IL31RA: variants seen among roughly 807,000 people sequenced by gnomAD.
IL31RA encodes the protein interleukin 31 receptor A.
IL31RA carries 66 observed loss-of-function variants against 83.7 expected under a neutral mutation model. The observed-to-expected ratio is 0.79, with a 90% confidence interval of 0.65 to 0.97. The LOEUF is 0.97. Ranked by LOEUF, IL31RA falls within the 50% of genes least tolerant of loss-of-function variation. The probability of loss-of-function intolerance (pLI) is 0.00; values close to 1 mark genes in which losing one functional copy is unlikely to be tolerated. For synonymous variants in IL31RA, 325 were observed against 329.0 expected, an observed-to-expected ratio of 0.99 and a Z score of 0.13; for missense variants, 798 against 919.4, an observed-to-expected ratio of 0.87 and a Z score of 1.71.
chr5:55,853,300 T>C (rs1745163736), intron 1 of IL31RA: 3 of 1,222,770 alleles, frequency 2.5e-6, no homozygotes, highest in Non-Finnish European at 3.1e-6. Flanking sequence ...TTGAGTGTTT[T>C]TGTTTTTGCT....
chr5:55,914,813 T>C (rs1289850727), intron 13 of IL31RA, 34 bp from the exon 14 acceptor site: 1 of 1,472,368 alleles, frequency 6.8e-7, no homozygotes, highest in Non-Finnish European at 9.5e-7. Flanking sequence ...CTTCTTGGAT[T>C]CAATTCCCAT....
chr5:55,913,551 T>C lies in IL31RA; in HGVS notation c.1717T>C (p.Tyr573His). ...TATTCTCATTATCCTGACAGTGGCA[T>C]ATGGTCTCAAAAAACCCAAGTGAGT... ...LLILIILTVA[Y>H]GLKKPNKLTH... Residue 573 changes from tyrosine to histidine, a missense_variant, in exon 13 of 15, where the codon TAT (tyrosine) becomes CAT (histidine). Coordinates refer to ENST00000652347, the MANE Select transcript of IL31RA (RefSeq NM_139017.7). 1 of 1,612,556 alleles carries C rather than the reference T, an allele frequency of 6.2e-7. No individual in the cohort carries two copies. Among genetic ancestry groups the C allele is most frequent in the South Asian group, 1.1e-5 (1 of 91,032 alleles).
chr5:55,883,343 C>A, intron 5 of IL31RA, 148 bp downstream of exon 5: 1 of 812,816 alleles, frequency 1.2e-6, no homozygotes, highest in Non-Finnish European at 2.0e-6. Context: ...TCCAGTTTTC[C>A]ATTTTTCCAT....
chr5:55,915,062 G>A (rs1408986963), intron 14 of IL31RA, 134 bp downstream of exon 14: 14 of 736,798 alleles, frequency 1.9e-5, no homozygotes, highest in Non-Finnish European at 3.1e-5. Context: ...AAAGTCTCAG[G>A]GAATGGCAGG....
At chr5:55,892,560 T>A (rs1055736810) in intron 6 of IL31RA, among the ~76,000 whole-genome samples, 19 of 152,358 alleles carry the variant, frequency 1.2e-4, no homozygotes, top group African/African-American at 4.6e-4. Context: ...CCACTGGAGA[T>A]GTTCATGCAG....
chr5:55,880,205 TAC>T (rs1747117261), intron 4 of IL31RA, among the ~76,000 whole-genome samples: 1 of 152,242 alleles, frequency 6.6e-6, no homozygotes, highest in Non-Finnish European at 1.5e-5. Context: ...CAGCTCTACT[TAC>T]TAGTGGCCAC....
At position 55,903,535 on chromosome 5, in the gene IL31RA, C is replaced by G. The variant is rs1205788301; in HGVS notation, c.1070-2571C>G. 6.6e-6 allele frequency among the ~76,000 whole-genome samples: 1 copy of G among 152,128 alleles called. No homozygotes were observed. The highest frequency in any genetic ancestry group is 2.4e-5 in the African/African-American group (1 of 41,412). ...CGCCCCTTGGTGTGGCCAGGCTTTC[C>G]CCTTTCAAGGTTGACTCATGGTTTC... On this transcript the variant is annotated intron_variant, in intron 8 of 14. Coordinates refer to ENST00000652347, the MANE Select transcript of IL31RA (RefSeq NM_139017.7). This position sits in a 1 kb window ranked among gnomAD's most constrained non-coding sequence, Gnocchi z 4.7.
intron 2 of IL31RA, among the ~76,000 whole-genome samples, chr5:55,867,233 TTGTGTG>T (rs35642963): frequency 1.2e-3 from 132 of 109,054 alleles, no homozygotes; most frequent in Admixed American, 2.1e-3. Flanking sequence ...GTGTGTGTGT[TTGTGTG>T]TGTGTTTGTG....
At chr5:55,886,564 A>G (rs1457349297) in intron 5 of IL31RA, among the ~76,000 whole-genome samples, 2 of 151,992 alleles carry the variant, frequency 1.3e-5, no homozygotes, top group African/African-American at 4.8e-5. Context: ...ATAAGCCACC[A>G]TGCCTGGCCT....
intron 1 of IL31RA, among the ~76,000 whole-genome samples, chr5:55,855,269 G>A (rs1745287352): frequency 6.6e-6 from 1 of 151,642 alleles, no homozygotes; most frequent in Non-Finnish European, 1.5e-5. Flanking sequence ...TCAACCTCCT[G>A]TGTAGCTAGG....
rs906959031 is a variant in IL31RA at position 55,917,721 on chromosome 5, C to T, written c.*601C>T. Among the ~76,000 whole-genome samples the T allele has an allele frequency of 2.6e-5, 4 of 152,126 alleles. No individual in the cohort carries two copies. Among genetic ancestry groups the T allele is most frequent in the South Asian group, 4.1e-4 (2 of 4,824 alleles). ...AGATCTCAAGTGCCTGTAGCAACACCGCACCTGAGAATCCTCACCCCCAAT... is the reference window on the plus strand; with the variant it reads ...AGATCTCAAGTGCCTGTAGCAACACTGCACCTGAGAATCCTCACCCCCAAT... On this transcript the variant is annotated 3_prime_UTR_variant, in exon 15 of 15. Coordinates refer to ENST00000652347, the MANE Select transcript of IL31RA (RefSeq NM_139017.7).
intron 1 of IL31RA, among the ~76,000 whole-genome samples, chr5:55,851,944 C>A (rs574850141): frequency 3.5e-4 from 54 of 152,162 alleles, no homozygotes; most frequent in Middle Eastern, 3.4e-3. Flanking sequence ...TATATCTTTG[C>A]CATAATTTTT....
At chr5:55,910,416 A>G in intron 11 of IL31RA, 116 bp from the exon 12 acceptor site, 1 of 1,135,562 alleles carries the variant, frequency 8.8e-7, no homozygotes, top group Non-Finnish European at 1.3e-6. Flanking sequence ...AGGGGTCAGA[A>G]TATGAGACAG....
intron 13 of IL31RA, 116 bp from the exon 14 acceptor site, chr5:55,914,731 T>G: frequency 1.2e-6 from 1 of 810,438 alleles, no homozygotes; most frequent in Non-Finnish European, 2.1e-6. Context: ...GACATGCCCT[T>G]ATTTAGGAGG....
chr5:55,914,937 T>C lies in IL31RA; in HGVS notation c.1818+9T>C. 2.5e-6 allele frequency: 4 copies of C among 1,596,208 alleles called. No individual in the cohort carries two copies. The highest frequency in any genetic ancestry group is 3.4e-6 in the Non-Finnish European group (4 of 1,163,620). On this transcript the variant is annotated intron_variant, in intron 14 of 14. Coordinates refer to ENST00000652347, the MANE Select transcript of IL31RA (RefSeq NM_139017.7). ...ATGGAGATGATTTCAAGGTAAACTC[T>C]CCTGTTTTTATTAAGGAAATCATTG...
upstream of IL31RA, among the ~76,000 whole-genome samples, chr5:55,850,590 C>A (rs1239346463): frequency 6.6e-6 from 1 of 152,056 alleles, no homozygotes; most frequent in African/African-American, 2.4e-5. Context: ...TTCTGCATTG[C>A]CTTTCTTTCA....
chr5:55,883,159 C>T lies in IL31RA; in HGVS notation c.570C>T (p.Tyr190=). 6.2e-7 allele frequency: 1 copy of T among 1,613,976 alleles called. No homozygotes were observed. ...ELAPVSSDLK[Y]TLRFRTVNST... ...CGCCTGTTTCATCTGATTTAAAATA[C>T]ACACTTCGATTCAGGACAGTCAACA... is the stretch of plus-strand genomic sequence containing the variant. Residue 190 remains tyrosine, a synonymous_variant, in exon 5 of 15, where the codon TAC becomes TAT. Transcript: ENST00000652347.
chr5:55,904,449 C>A (rs1357881563), intron 8 of IL31RA, among the ~76,000 whole-genome samples: 1 of 152,064 alleles, frequency 6.6e-6, no homozygotes, highest in African/African-American at 2.4e-5. Context: ...TGCTTCCAGG[C>A]GGTGAGCAGG....
rs1038906287 is a variant in IL31RA at position 55,921,607 on chromosome 5, T to G, written c.*4487T>G. Among the ~76,000 whole-genome samples the G allele has an allele frequency of 1.3e-5, 2 of 152,278 alleles. No individual in the cohort carries two copies. The highest frequency in any genetic ancestry group is 4.8e-5 in the African/African-American group (2 of 41,474). Reference sequence around the variant, plus strand: ...TGCTGATTTACAGTATCACCAGACATGTCTGACGGATCCTTTGTCCTTTTC... The same window carrying G: ...TGCTGATTTACAGTATCACCAGACAGGTCTGACGGATCCTTTGTCCTTTTC... On this transcript the variant is annotated 3_prime_UTR_variant, in exon 15 of 15. Coordinates refer to ENST00000652347, the MANE Select transcript of IL31RA (RefSeq NM_139017.7).
Sources: allele counts gnomAD v4.1 joint callset (sites outside exome capture counted in the v4.1 genomes callset), GRCh38; gene constraint gnomAD v4.1.1; non-coding constraint Gnocchi (gnomAD v3.1); transcripts MANE v1.5; gene names NCBI Gene and HGNC (gene_info 2026-07-23, HGNC 2026-07-21).